The following DCC variants were observed in gnomAD, a reference collection of about 807,000 sequenced individuals.
DCC encodes DCC netrin 1 receptor.
In DCC, 58 loss-of-function variants were observed where a neutral mutation model predicts 172.5. The ratio of observed to expected loss-of-function variants is 0.34; its 90% confidence interval spans 0.27 to 0.42. DCC has a LOEUF of 0.42. Ranked by LOEUF, DCC falls within the 10% of genes least tolerant of loss-of-function variation. DCC has a pLI of 1.00. For synonymous variants in DCC, 709 were observed against 644.5 expected, an observed-to-expected ratio of 1.10 and a Z score of -1.52; for missense variants, 1,740 against 1,791.0, an observed-to-expected ratio of 0.97 and a Z score of 0.51.
chr18:52,943,243 A>G (rs1324636932), intron 5 of DCC, among the ~76,000 whole-genome samples: 1 of 152,208 alleles, frequency 6.6e-6, no homozygotes, highest in African/African-American at 2.4e-5. Context: ...TTAGAATGCC[A>G]TTATTTCTGC....
intron 1 of DCC, among the ~76,000 whole-genome samples, chr18:52,620,325 G>A (rs954229127): frequency 6.6e-6 from 1 of 152,168 alleles, no homozygotes; most frequent in African/African-American, 2.4e-5. Context: ...ACACTAACTG[G>A]AGAGATTCAC....
At chr18:53,207,645 C>A (rs762331569) in intron 10 of DCC, 34 bp from the exon 11 acceptor site, 6 of 1,604,090 alleles carry the variant, frequency 3.7e-6, no homozygotes, top group Non-Finnish European at 5.1e-6. Context: ...TAATGTGCTT[C>A]CTTGATAACA....
intron 5 of DCC, among the ~76,000 whole-genome samples, chr18:52,943,538 G>GT (rs933661606): frequency 3.9e-5 from 6 of 152,022 alleles, no homozygotes; most frequent in Non-Finnish European, 7.4e-5. Context: ...ATATCGCTGT[G>GT]TTTTTTTAAT....
chr18:52,808,016 C>T (rs377063100), intron 2 of DCC, among the ~76,000 whole-genome samples: 18 of 152,272 alleles, frequency 1.2e-4, no homozygotes, highest in African/African-American at 3.1e-4. Flanking sequence ...TCTGGGGTTG[C>T]TGTGACCGCT....
intron 1 of DCC, among the ~76,000 whole-genome samples, chr18:52,571,203 G>A (rs1598921785): frequency 6.6e-6 from 1 of 152,174 alleles, no homozygotes; most frequent in South Asian, 2.1e-4. Context: ...AAACTCCAAT[G>A]TGTGGAGTCT....
At chr18:52,472,280 T>C (rs1479410567) in intron 1 of DCC, among the ~76,000 whole-genome samples, 1 of 152,096 alleles carries the variant, frequency 6.6e-6, no homozygotes, top group Non-Finnish European at 1.5e-5. Context: ...GGATCCCCTG[T>C]CTCCCCACCA....
At chr18:53,277,609 A>C (rs1355193160) in intron 12 of DCC, among the ~76,000 whole-genome samples, 1 of 152,112 alleles carries the variant, frequency 6.6e-6, no homozygotes, top group Non-Finnish European at 1.5e-5. Flanking sequence ...TTGATAATAC[A>C]GTTAAGCAGA....
intron 20 of DCC, among the ~76,000 whole-genome samples, chr18:53,412,232 A>C (rs2145058422): frequency 6.6e-6 from 1 of 152,300 alleles, no homozygotes; most frequent in East Asian, 1.9e-4. Flanking sequence ...CCCTGATTTG[A>C]AGTTTAATAT....
chr18:52,734,131 A>C (rs987903712), intron 1 of DCC, among the ~76,000 whole-genome samples: 5 of 152,140 alleles, frequency 3.3e-5, no homozygotes, highest in African/African-American at 9.7e-5. Flanking sequence ...ATACACTTTA[A>C]AAATATATAT....
intron 7 of DCC, among the ~76,000 whole-genome samples, chr18:53,090,399 A>G (rs906023757): frequency 6.6e-6 from 1 of 151,970 alleles, no homozygotes; most frequent in Non-Finnish European, 1.5e-5. Flanking sequence ...TAGCATTTTG[A>G]GGGGTGACAT....
In DCC at chr18:52,563,741, T is replaced by A. The variant is rs192026470; in HGVS notation, c.92-188313T>A. Among the ~76,000 whole-genome samples, 361 of 152,300 alleles carry A rather than the reference T, an allele frequency of 2.4e-3. 4 individuals carry two copies. Among genetic ancestry groups the A allele is most frequent in the South Asian group, 0.016 (75 of 4,822 alleles). The stretch of plus-strand genomic sequence containing the variant: ...TTCCCTGGAACTATATAGAACCCTA[T>A]CTTTAAAGTAGTCTCCTCGGAACTG... On this transcript the variant is annotated intron_variant, in intron 1 of 28. Transcript: ENST00000442544.
intron 7 of DCC, among the ~76,000 whole-genome samples, chr18:53,107,189 G>A (rs144393404): frequency 5.8e-4 from 88 of 151,814 alleles, no homozygotes; most frequent in African/African-American, 1.9e-3. Context: ...TGGCTCCAAC[G>A]CCTCTGACAA....
At chr18:53,243,151 T>C (rs2056324049) in intron 12 of DCC, among the ~76,000 whole-genome samples, 1 of 152,164 alleles carries the variant, frequency 6.6e-6, no homozygotes, top group African/African-American at 2.4e-5. Context: ...GTGGCATAGA[T>C]GCTGGCAAGG....
chr18:52,927,772 G>A (rs1598939385), intron 5 of DCC, among the ~76,000 whole-genome samples: 1 of 152,016 alleles, frequency 6.6e-6, no homozygotes, highest in African/African-American at 2.4e-5. Flanking sequence ...GATATTGCCG[G>A]GGTTGTGGAG....
chr18:53,045,419 T>C (rs914530169), intron 5 of DCC, among the ~76,000 whole-genome samples: 1 of 151,794 alleles, frequency 6.6e-6, no homozygotes, highest in Non-Finnish European at 1.5e-5. Context: ...TGAAGAGTAT[T>C]AGTCACAGGA....
chr18:52,843,089 T>G (rs1182746700), intron 2 of DCC, among the ~76,000 whole-genome samples: 27 of 152,200 alleles, frequency 1.8e-4, no homozygotes, highest in Admixed American at 1.7e-3. Flanking sequence ...CAGCCTTTAC[T>G]GTATGGATAG....
chr18:52,571,530 A>T (rs2033292539), intron 1 of DCC, among the ~76,000 whole-genome samples: 1 of 152,134 alleles, frequency 6.6e-6, no homozygotes, highest in Admixed American at 6.5e-5. Flanking sequence ...GTAACTTCAC[A>T]CTAGAATTCC....
At chr18:52,625,366 A>G (rs2034554341) in intron 1 of DCC, among the ~76,000 whole-genome samples, 1 of 152,144 alleles carries the variant, frequency 6.6e-6, no homozygotes, top group Non-Finnish European at 1.5e-5. Flanking sequence ...TCATTCATTT[A>G]TTCATTTATT....
intron 1 of DCC, among the ~76,000 whole-genome samples, chr18:52,425,386 T>A (rs982641502): frequency 5.3e-5 from 8 of 152,126 alleles, no homozygotes; most frequent in African/African-American, 1.7e-4. Flanking sequence ...TTAGACTGGT[T>A]CCCTACCTAA....
Sources: allele counts gnomAD v4.1 joint callset (sites outside exome capture counted in the v4.1 genomes callset), GRCh38; gene constraint gnomAD v4.1.1; transcripts MANE v1.5; gene names NCBI Gene and HGNC (gene_info 2026-07-23, HGNC 2026-07-21).